The following CADPS2 variants were observed in gnomAD, a reference collection of about 807,000 sequenced individuals.
CADPS2 encodes calcium dependent secretion activator 2.
Under a neutral mutation model 172.5 loss-of-function variants are expected in CADPS2, and 93 were observed. The observed-to-expected ratio is 0.54, with a 90% confidence interval of 0.46 to 0.64. The LOEUF (loss-of-function observed/expected upper bound fraction) is 0.64, where lower values mean the gene tolerates loss of function less well. CADPS2 is among the 30% of genes least tolerant of loss of function. CADPS2 has a pLI of 0.00. For synonymous variants in CADPS2, 546 were observed against 555.2 expected (o/e 0.98, Z 0.23); for missense variants, 1,420 against 1,565.9 (o/e 0.91, Z 1.57).
At chr7:122,435,481 C>T (rs2050514035) in intron 17 of CADPS2, among the ~76,000 whole-genome samples, 1 of 151,970 alleles carries the variant, frequency 6.6e-6, no homozygotes. Context: ...GTTGGGACGA[C>T]TATTATTTAA....
intron 27 of CADPS2, among the ~76,000 whole-genome samples, chr7:122,359,297 T>G (rs1250372386): frequency 6.6e-6 from 1 of 152,016 alleles, no homozygotes; most frequent in Non-Finnish European, 1.5e-5. Flanking sequence ...GAATTTCAAC[T>G]CATAATACTT....
intron 6 of CADPS2, among the ~76,000 whole-genome samples, chr7:122,583,821 ATATG>A (rs1253650998): frequency 6.6e-6 from 1 of 150,958 alleles, no homozygotes; most frequent in African/African-American, 2.4e-5. Flanking sequence ...ATACATATGC[ATATG>A]TATATTCATA....
chr7:122,747,205 C>G (rs2092754632), intron 1 of CADPS2, among the ~76,000 whole-genome samples: 1 of 152,042 alleles, frequency 6.6e-6, no homozygotes, highest in Non-Finnish European at 1.5e-5. Flanking sequence ...AAGCCATTCC[C>G]CCCAACACCC....
intron 3 of CADPS2, among the ~76,000 whole-genome samples, chr7:122,650,554 T>C (rs1385610965): frequency 1.3e-5 from 2 of 152,140 alleles, no homozygotes; most frequent in Non-Finnish European, 2.9e-5. Context: ...AATACAGGAA[T>C]GTCTAAAGGT....
intron 28 of CADPS2, among the ~76,000 whole-genome samples, chr7:122,341,629 G>A (rs1160166914): frequency 6.6e-6 from 1 of 152,188 alleles, no homozygotes; most frequent in African/African-American, 2.4e-5. Context: ...AAGGTAGAGA[G>A]AGCATAGACT....
intron 27 of CADPS2, among the ~76,000 whole-genome samples, chr7:122,356,900 C>T (rs2039480503): frequency 6.6e-6 from 1 of 152,044 alleles, no homozygotes; most frequent in African/African-American, 2.4e-5. Context: ...CAGCACCAGC[C>T]ATTTCTCCAA....
intron 28 of CADPS2, among the ~76,000 whole-genome samples, chr7:122,327,276 T>C (rs1163286919): frequency 6.6e-6 from 1 of 152,116 alleles, no homozygotes. Context: ...ATTTCTATTT[T>C]AATACAGGCA....
intron 1 of CADPS2, among the ~76,000 whole-genome samples, chr7:122,739,882 A>G (rs2092376327): frequency 6.6e-6 from 1 of 152,144 alleles, no homozygotes; most frequent in Non-Finnish European, 1.5e-5. Context: ...GAAGAAACAG[A>G]CCGAAATACA....
At chr7:122,791,363 T>C (rs1795252030) in intron 1 of CADPS2, among the ~76,000 whole-genome samples, 1 of 149,524 alleles carries the variant, frequency 6.7e-6, no homozygotes, top group Non-Finnish European at 1.5e-5. Flanking sequence ...CTTGCTACTC[T>C]TTTTTTTTTC....
intron 3 of CADPS2, among the ~76,000 whole-genome samples, chr7:122,638,107 C>A (rs181967948): frequency 2.6e-4 from 39 of 152,254 alleles, no homozygotes; most frequent in Non-Finnish European, 4.6e-4. Flanking sequence ...TGCTCCTAGG[C>A]CTTGGAGGAG....
At chr7:122,567,044 A>C (rs2066564696) in intron 7 of CADPS2, among the ~76,000 whole-genome samples, 1 of 152,170 alleles carries the variant, frequency 6.6e-6, no homozygotes, top group Non-Finnish European at 1.5e-5. Flanking sequence ...TTTATCTGGA[A>C]AGTGAAGAGA....
chr7:122,618,423 A>G (rs2075210015), intron 5 of CADPS2, among the ~76,000 whole-genome samples: 1 of 151,996 alleles, frequency 6.6e-6, no homozygotes, highest in South Asian at 2.1e-4. Flanking sequence ...TTAACAATAA[A>G]CACAATAAAT....
intron 3 of CADPS2, among the ~76,000 whole-genome samples, chr7:122,652,058 G>T (rs2079207167): frequency 6.6e-6 from 1 of 152,112 alleles, no homozygotes; most frequent in African/African-American, 2.4e-5. Context: ...CTGTCCCTCT[G>T]CCCAGAACAC....
At chr7:122,881,943 C>A (rs894740385) in intron 1 of CADPS2, among the ~76,000 whole-genome samples, 3 of 152,112 alleles carry the variant, frequency 2.0e-5, no homozygotes, top group Non-Finnish European at 4.4e-5. Context: ...CTCACTAATT[C>A]TTTGAGGCAT....
intron 7 of CADPS2, among the ~76,000 whole-genome samples, chr7:122,579,939 T>C (rs537776212): frequency 6.6e-6 from 1 of 151,386 alleles, no homozygotes; most frequent in South Asian, 2.1e-4. Context: ...ATTCCAAGAG[T>C]ATAAAGGAGG....
chr7:122,623,474 A>G (rs1403768379), intron 4 of CADPS2, among the ~76,000 whole-genome samples: 2 of 152,130 alleles, frequency 1.3e-5, no homozygotes, highest in African/African-American at 4.8e-5. Flanking sequence ...TTCTTAGTTC[A>G]CCTTATTATT....
chr7:122,496,464 G>T (rs1435286038), intron 9 of CADPS2, among the ~76,000 whole-genome samples: 2 of 151,968 alleles, frequency 1.3e-5, no homozygotes, highest in African/African-American at 4.8e-5. Context: ...GCCTGGCCTT[G>T]ATTGTTTTTT....
rs1164590588 is a variant in CADPS2 at position 122,438,950 on chromosome 7, C to A, written c.2353-486G>T. ...AGCTCTGAAAAAAAAAAAATCAAGACCTCTAATCTCACTAAATTTTAATGA... is the reference window on the plus strand; with the variant it reads ...AGCTCTGAAAAAAAAAAAATCAAGAACTCTAATCTCACTAAATTTTAATGA... On this transcript the variant is annotated intron_variant, in intron 16 of 29. Coordinates refer to ENST00000449022, the MANE Select transcript of CADPS2 (RefSeq NM_017954.11). Among the ~76,000 whole-genome samples the A allele has an allele frequency of 4.0e-5, 6 of 151,516 alleles. 1 individual carries two copies. The highest frequency in any genetic ancestry group is 3.9e-4 in the Admixed American group (6 of 15,226).
At chr7:122,796,578 G>C (rs1048748087) in intron 1 of CADPS2, among the ~76,000 whole-genome samples, 1 of 152,080 alleles carries the variant, frequency 6.6e-6, no homozygotes, top group Admixed American at 6.5e-5. Context: ...ACAACTATCA[G>C]ATCTTCAACA....
Sources: allele counts gnomAD v4.1 joint callset (sites outside exome capture counted in the v4.1 genomes callset), GRCh38; gene constraint gnomAD v4.1.1; transcripts MANE v1.5; gene names NCBI Gene and HGNC (gene_info 2026-07-23, HGNC 2026-07-21).